RARB: variants seen among roughly 807,000 people sequenced by gnomAD.
The protein encoded by RARB is HBV-activated protein.
A neutral mutation model predicts 51.9 loss-of-function variants in RARB; 17 were observed. The observed-to-expected ratio is 0.33, with a 90% CI of 0.22 to 0.49. The LOEUF (loss-of-function observed/expected upper bound fraction) is 0.49. Ranked by LOEUF, RARB falls within the 20% of genes least tolerant of loss-of-function variation. RARB has a pLI of 0.99. For synonymous variants in RARB, 215 were observed against 195.4 expected, an observed-to-expected ratio of 1.10 and a Z score of -0.84; for missense variants, 369 against 550.8, an observed-to-expected ratio of 0.67 and a Z score of 3.30.
intron 5 of RARB, among the ~76,000 whole-genome samples, chr3:25,584,773 T>C (rs1273801084): frequency 6.6e-6 from 1 of 152,194 alleles, no homozygotes; most frequent in Non-Finnish European, 1.5e-5. Context: ...TGTCTTGTCA[T>C]GTAGCACTGC....
intron 1 of RARB, among the ~76,000 whole-genome samples, chr3:24,855,772 G>A (rs1237066658): frequency 8.7e-6 from 1 of 115,004 alleles, no homozygotes; most frequent in Non-Finnish European, 1.6e-5. Context: ...TTTTGAGACA[G>A]AGTCACTCTC....
At chr3:25,083,333 A>G (rs1240494093) in intron 3 of RARB, among the ~76,000 whole-genome samples, 5 of 152,006 alleles carry the variant, frequency 3.3e-5, no homozygotes, top group Non-Finnish European at 2.9e-5. Flanking sequence ...CTAAAGCTCT[A>G]TTTTATTTCC....
At chr3:24,886,407 TG>T (rs1255737909) in intron 2 of RARB, among the ~76,000 whole-genome samples, 1 of 151,684 alleles carries the variant, frequency 6.6e-6, no homozygotes. Flanking sequence ...GGAAGTTTCA[TG>T]ATGCCCTGAC....
At chr3:24,981,294 T>G (rs1335107740) in intron 2 of RARB, among the ~76,000 whole-genome samples, 1 of 152,146 alleles carries the variant, frequency 6.6e-6, no homozygotes, top group Non-Finnish European at 1.5e-5. Flanking sequence ...GAACCACTGC[T>G]CTCTTCAGAG....
intron 6 of RARB, 71 bp downstream of exon 6, chr3:25,593,778 T>C (rs1701707516): frequency 6.9e-7 from 1 of 1,455,486 alleles, no homozygotes; most frequent in South Asian, 1.2e-5. Flanking sequence ...TGTGAAAAAT[T>C]CCTCATTTCC....
At chr3:25,386,083 C>T (rs1706785894) in intron 5 of RARB, among the ~76,000 whole-genome samples, 2 of 152,110 alleles carry the variant, frequency 1.3e-5, no homozygotes, top group South Asian at 2.1e-4. Context: ...TTGAAGGATC[C>T]AGAGACAGAA....
intron 1 of RARB, among the ~76,000 whole-genome samples, chr3:24,852,239 C>A (rs1702569788): frequency 6.6e-6 from 1 of 152,092 alleles, no homozygotes; most frequent in African/African-American, 2.4e-5. Context: ...AATCTGAAAG[C>A]ACCATTTCGC....
intron 2 of RARB, among the ~76,000 whole-genome samples, chr3:24,956,050 G>C (rs1220477748): frequency 6.6e-6 from 1 of 152,148 alleles, no homozygotes; most frequent in African/African-American, 2.4e-5. Context: ...GAGAGTCCCT[G>C]ATCTCTGAAT....
chr3:25,153,780 G>A (rs1216782032), intron 4 of RARB, among the ~76,000 whole-genome samples: 3 of 152,094 alleles, frequency 2.0e-5, no homozygotes, highest in African/African-American at 7.2e-5. Context: ...GCCCTGTTTT[G>A]ATTTTTGATA....
chr3:25,203,336 A>C (rs1387155249), intron 5 of RARB, among the ~76,000 whole-genome samples: 1 of 152,182 alleles, frequency 6.6e-6, no homozygotes, highest in East Asian at 1.9e-4. Flanking sequence ...TCTGCATGTG[A>C]GATGGGTTTC....
At chr3:24,863,264 C>G (rs1702787983) in intron 2 of RARB, among the ~76,000 whole-genome samples, 1 of 152,174 alleles carries the variant, frequency 6.6e-6, no homozygotes, top group African/African-American at 2.4e-5. Flanking sequence ...CATTTAACTT[C>G]ATGGATGAAC....
At chr3:25,340,108 T>C (rs891405809) in intron 5 of RARB, among the ~76,000 whole-genome samples, 5 of 152,060 alleles carry the variant, frequency 3.3e-5, no homozygotes, top group African/African-American at 4.8e-5. Context: ...ACATCACTGA[T>C]AGTAAAATGC....
intron 2 of RARB, among the ~76,000 whole-genome samples, chr3:25,004,700 A>G (rs1444128634): frequency 6.6e-6 from 1 of 152,074 alleles, no homozygotes; most frequent in African/African-American, 2.4e-5. Flanking sequence ...TCCCCATGAA[A>G]CTGTTCAGCC....
chr3:25,559,047 C>T (rs974926054), intron 3 of RARB, among the ~76,000 whole-genome samples: 1 of 152,082 alleles, frequency 6.6e-6, no homozygotes, highest in Non-Finnish European at 1.5e-5. Context: ...CATATCTCCC[C>T]CATCCAGAAT....
chr3:25,202,953 G>T (rs1483774678), intron 5 of RARB, among the ~76,000 whole-genome samples: 1 of 152,146 alleles, frequency 6.6e-6, no homozygotes, highest in African/African-American at 2.4e-5. Flanking sequence ...TATTAGGTCT[G>T]CTTGGTGCAG....
chr3:25,474,986 G>A (rs1695879451), intron 2 of RARB, among the ~76,000 whole-genome samples: 1 of 152,044 alleles, frequency 6.6e-6, no homozygotes, highest in Admixed American at 6.6e-5. Flanking sequence ...GGTAAGATCT[G>A]TGCAAAATTA....
chr3:24,916,626 G>A (rs1249825575), intron 2 of RARB, among the ~76,000 whole-genome samples: 3 of 152,144 alleles, frequency 2.0e-5, no homozygotes, highest in Non-Finnish European at 4.4e-5. Flanking sequence ...TGATGATATG[G>A]AGAAACTGGA....
intron 2 of RARB, among the ~76,000 whole-genome samples, chr3:25,009,098 A>G (rs572655615): frequency 5.9e-5 from 9 of 152,212 alleles, no homozygotes; most frequent in African/African-American, 2.2e-4. Context: ...GTCCCTCTAA[A>G]TCAGTAAAGA....
At chr3:25,098,423 A>G (rs1699340552) in intron 3 of RARB, among the ~76,000 whole-genome samples, 1 of 152,168 alleles carries the variant, frequency 6.6e-6, no homozygotes, top group Non-Finnish European at 1.5e-5. Context: ...GTTTGGCTTT[A>G]TTCTCTAAGA....
Sources: allele counts gnomAD v4.1 joint callset (sites outside exome capture counted in the v4.1 genomes callset), GRCh38; gene constraint gnomAD v4.1.1; transcripts MANE v1.5; gene names NCBI Gene and HGNC (gene_info 2026-07-23, HGNC 2026-07-21).